LIN28B: variants seen among roughly 807,000 people sequenced by gnomAD.
LIN28B encodes the protein protein lin-28 homolog B.
A neutral mutation model predicts 21.9 loss-of-function variants in LIN28B; 5 were observed. The ratio of observed to expected loss-of-function variants is 0.23; its 90% CI spans 0.12 to 0.48. The LOEUF is 0.48. LIN28B is among the 20% of genes least tolerant of loss of function. The pLI is 0.98. For synonymous variants in LIN28B, 109 were observed against 111.3 expected (o/e 0.98, Z 0.13); for missense variants, 245 against 310.5 (o/e 0.79, Z 1.58).
At chr6:105,018,619 C>A (rs1256946963) in intron 2 of LIN28B, among the ~76,000 whole-genome samples, 1 of 152,106 alleles carries the variant, frequency 6.6e-6, no homozygotes, top group Non-Finnish European at 1.5e-5. Flanking sequence ...TATTCCCTTT[C>A]CCTGGAAATC....
intron 3 of LIN28B, among the ~76,000 whole-genome samples, chr6:105,032,493 G>A (rs1771444642): frequency 1.3e-5 from 2 of 152,106 alleles, no homozygotes; most frequent in African/African-American, 4.8e-5. Flanking sequence ...GGGAGGCCGA[G>A]GCCAGTGAAT....
intron 3 of LIN28B, among the ~76,000 whole-genome samples, chr6:105,070,366 T>C (rs966430885): frequency 3.9e-5 from 6 of 152,212 alleles, no homozygotes; most frequent in Admixed American, 3.9e-4. Flanking sequence ...TTTATAATTA[T>C]AATTGCTCTT....
At chr6:104,986,549 A>T (rs995309026) in intron 2 of LIN28B, among the ~76,000 whole-genome samples, 5 of 136,978 alleles carry the variant, frequency 3.7e-5, no homozygotes, top group South Asian at 4.8e-4. Context: ...AAAAAAAAAA[A>T]GTCTCTGTGG....
At chr6:105,045,541 C>A (rs1488106383) in intron 3 of LIN28B, 1 of 152,150 alleles carries the variant, frequency 6.6e-6, no homozygotes, top group Non-Finnish European at 1.5e-5. Context: ...CCGCCTCAGT[C>A]TCCCAAACTG....
intron 3 of LIN28B, among the ~76,000 whole-genome samples, chr6:105,055,301 C>A (rs1772000765): frequency 6.6e-6 from 1 of 152,122 alleles, no homozygotes; most frequent in South Asian, 2.1e-4. Context: ...ATGTATATAT[C>A]AGACCATTTC....
intron 2 of LIN28B, among the ~76,000 whole-genome samples, chr6:104,962,921 A>T (rs1203449928): frequency 3.3e-5 from 5 of 152,214 alleles, no homozygotes; most frequent in Non-Finnish European, 1.5e-5. Context: ...ACGTATTTTA[A>T]TATTTTTAAA....
intron 3 of LIN28B, among the ~76,000 whole-genome samples, chr6:105,077,344 CATT>C (rs982985732): frequency 6.6e-6 from 1 of 152,108 alleles, no homozygotes; most frequent in African/African-American, 2.4e-5. Flanking sequence ...GGAGACAAGT[CATT>C]AAACAAATTC....
chr6:104,979,395 A>G (rs759876442), intron 2 of LIN28B, among the ~76,000 whole-genome samples: 81 of 151,998 alleles, frequency 5.3e-4, no homozygotes, highest in Admixed American at 9.8e-4. Flanking sequence ...TTTAGTAGAG[A>G]CGGGGTTTCA....
chr6:105,079,368 C>T lies in LIN28B; in HGVS notation c.*585C>T. The T allele has an allele frequency of 6.5e-6, 1 of 152,672 alleles. No individual in the cohort carries two copies. 9.5% of individuals were successfully genotyped at this position (152,672 alleles called of 1,614,324 possible). ...CCAGTTCTCCCGAATTTGGGATTGC[C>T]TCTTTTTCTTGAAATCTCTGGAGTA... is the stretch of plus-strand genomic sequence containing the variant. On this transcript the variant is annotated 3_prime_UTR_variant, in exon 4 of 4. Coordinates refer to ENST00000345080, the MANE Select transcript of LIN28B (RefSeq NM_001004317.4).
At position 105,018,433 on chromosome 6, in the gene LIN28B, A is replaced by G. The variant is rs1014372629; in HGVS notation, c.199-7865A>G. 7.9e-5 allele frequency among the ~76,000 whole-genome samples: 12 copies of G among 152,180 alleles called. 1 individual carries two copies. Among genetic ancestry groups the G allele is most frequent in the East Asian group, 1.9e-4 (1 of 5,192 alleles). ...TATTAACTATTCCTGCCACACAAGT[A>G]TATGGTACCATTAGCTCAGTTTCGA... On this transcript the variant is annotated intron_variant, in intron 2 of 3. Transcript: ENST00000345080.
chr6:104,959,498 T>TCTGTTGTC (rs1297750298), intron 2 of LIN28B, among the ~76,000 whole-genome samples: 2 of 152,230 alleles, frequency 1.3e-5, no homozygotes, highest in Non-Finnish European at 2.9e-5. Flanking sequence ...TCTGTTTTGA[T>TCTGTTGTC]CTGTTGTCCT....
intron 2 of LIN28B, among the ~76,000 whole-genome samples, chr6:104,964,300 C>G (rs193059506): frequency 6.6e-6 from 1 of 152,302 alleles, no homozygotes; most frequent in East Asian, 1.9e-4. Context: ...ATAGCTGTGA[C>G]TACAGGCATG....
intron 3 of LIN28B, among the ~76,000 whole-genome samples, chr6:105,043,101 C>A (rs1410922492): frequency 6.6e-6 from 1 of 151,976 alleles, no homozygotes; most frequent in African/African-American, 2.4e-5. Context: ...AGGAATAAAG[C>A]TTAATGAGAG....
At chr6:105,001,654 C>T (rs1296566309) in intron 2 of LIN28B, among the ~76,000 whole-genome samples, 2 of 152,036 alleles carry the variant, frequency 1.3e-5, no homozygotes, top group East Asian at 1.9e-4. Flanking sequence ...CAGTGAACTG[C>T]GATGAACAAA....
At chr6:104,994,634 A>G (rs1169355008) in intron 2 of LIN28B, among the ~76,000 whole-genome samples, 2 of 152,202 alleles carry the variant, frequency 1.3e-5, no homozygotes, top group African/African-American at 2.4e-5. Context: ...AGAGTCGATT[A>G]TTAATTTGAG....
At chr6:104,997,798 T>G (rs1451641769) in intron 2 of LIN28B, among the ~76,000 whole-genome samples, 1 of 152,184 alleles carries the variant, frequency 6.6e-6, no homozygotes, top group Non-Finnish European at 1.5e-5. Context: ...AGGCTGACAC[T>G]TCCGGGTTTA....
intron 2 of LIN28B, among the ~76,000 whole-genome samples, chr6:104,986,070 T>A (rs938500230): frequency 6.6e-6 from 1 of 152,136 alleles, no homozygotes; most frequent in African/African-American, 2.4e-5. Context: ...GATTTTCTAC[T>A]TGCTGTTCTT....
At chr6:105,045,293 T>C (rs1463341721) in intron 3 of LIN28B, among the ~76,000 whole-genome samples, 2 of 147,416 alleles carry the variant, frequency 1.4e-5, no homozygotes, top group African/African-American at 5.0e-5. Flanking sequence ...TGTTTTTTTT[T>C]TTTTTTTTTT....
At chr6:104,988,889 T>C (rs1197376667) in intron 2 of LIN28B, among the ~76,000 whole-genome samples, 2 of 151,970 alleles carry the variant, frequency 1.3e-5, no homozygotes, top group Non-Finnish European at 2.9e-5. Context: ...ACTACCTAGA[T>C]TTTCTTTTCT....
Sources: gnomAD v4.1 joint callset for allele counts (sites outside exome capture counted in the v4.1 genomes callset) on GRCh38, gnomAD v4.1.1 for gene constraint, MANE v1.5 for transcripts, NCBI Gene and HGNC (gene_info 2026-07-23, HGNC 2026-07-21) for gene names.